Variants in CDIP1 observed in about 807,000 individuals in gnomAD.
CDIP1 encodes the protein cell death-inducing p53-target protein 1.
CDIP1 carries 9 observed loss-of-function variants against 17.7 expected under a neutral mutation model. The observed-to-expected ratio is 0.51, with a 90% CI of 0.31 to 0.89. The LOEUF (loss-of-function observed/expected upper bound fraction) is 0.89, where lower values mean the gene tolerates loss of function less well. Among genes scored for constraint, CDIP1 ranks in the 40% least tolerant of loss-of-function variants. The pLI is 0.05. For missense variants in CDIP1, 263 were observed against 277.9 expected (o/e 0.95, Z 0.38); for synonymous variants, 117 against 109.5 (o/e 1.07, Z -0.43).
chr16:4,513,030 CATGG>C lies in CDIP1; in HGVS notation c.272_275del (p.Pro91ArgfsTer34). The C allele has an allele frequency of 6.3e-7, 1 of 1,595,086 alleles. No homozygotes were observed. Among genetic ancestry groups the C allele is most frequent in the Non-Finnish European group, 8.5e-7 (1 of 1,173,036 alleles). ...TGTAGGGCCCTGGGGGGTAGTAGCC[CATGG>C]GTGGGTGGGGGCCTGGAGGAGGGTA... On this transcript the variant is annotated frameshift_variant, in exon 5 of 6. Coordinates refer to ENST00000567695, the MANE Select transcript of CDIP1 (RefSeq NM_013399.3). LOFTEE classifies it high-confidence loss of function. This position sits in a 1 kb window ranked among gnomAD's most constrained non-coding sequence, Gnocchi z 4.1.
At chr16:4,535,241 C>T (rs947394384) in intron 1 of CDIP1, among the ~76,000 whole-genome samples, 3 of 152,172 alleles carry the variant, frequency 2.0e-5, no homozygotes. Context: ...CAGGAAGACC[C>T]TCAGTGTTTA....
At chr16:4,537,038 G>A (rs1422714307) in intron 1 of CDIP1, among the ~76,000 whole-genome samples, 2 of 152,058 alleles carry the variant, frequency 1.3e-5, no homozygotes, top group African/African-American at 2.4e-5. Flanking sequence ...GGTGAGAGAC[G>A]GATTTCTAAA....
At chr16:4,517,034 T>C (rs2058895546) in intron 1 of CDIP1, among the ~76,000 whole-genome samples, 1 of 152,110 alleles carries the variant, frequency 6.6e-6, no homozygotes, top group Non-Finnish European at 1.5e-5. Flanking sequence ...TATTAAGACA[T>C]TTAGGCAAGG....
intron 1 of CDIP1, among the ~76,000 whole-genome samples, chr16:4,526,897 G>A (rs998793442): frequency 1.3e-5 from 2 of 151,938 alleles, no homozygotes; most frequent in African/African-American, 4.8e-5. Context: ...CAGGCCCCAC[G>A]CCCACCACCC....
At chr16:4,534,248 G>A (rs1210175160) in intron 1 of CDIP1, among the ~76,000 whole-genome samples, 5 of 152,114 alleles carry the variant, frequency 3.3e-5, no homozygotes, top group Non-Finnish European at 7.3e-5. Context: ...ACCGCACCCA[G>A]CCCCTTCTGT....
intron 1 of CDIP1, among the ~76,000 whole-genome samples, chr16:4,531,593 G>A (rs554346278): frequency 4.6e-5 from 7 of 152,312 alleles, no homozygotes; most frequent in East Asian, 3.9e-4. Flanking sequence ...TGGAGATGAC[G>A]GTGGGCGAGC....
chr16:4,513,835 A>G lies in CDIP1; in HGVS notation c.102T>C (p.Ala34=), dbSNP rs200298345. 803 of 1,585,846 alleles carry G rather than the reference A, an allele frequency of 5.1e-4. 2 individuals carry two copies. The highest frequency in any genetic ancestry group is 5.3e-4 in the Non-Finnish European group (621 of 1,166,522). The part of the protein sequence containing the change: ...APPTPGRSSP[A]VMQPPPGMPL... ...GCATGCCTGGAGGGGGCTGCATCAC[A>G]GCTGGGGAGGAACGGCCTGGACAGA... Residue 34 remains alanine, a synonymous_variant, in exon 4 of 6, where the codon GCT becomes GCC. Coordinates refer to ENST00000567695, the MANE Select transcript of CDIP1 (RefSeq NM_013399.3). This position sits in a 1 kb window ranked among gnomAD's most constrained non-coding sequence, Gnocchi z 4.1.
chr16:4,513,729 G>C lies in CDIP1; in HGVS notation c.208C>G (p.His70Asp), dbSNP rs1779005985. The C allele has an allele frequency of 1.9e-6, 3 of 1,613,828 alleles. No individual in the cohort carries two copies. Among genetic ancestry groups the C allele is most frequent in the Non-Finnish European group, 2.5e-6 (3 of 1,179,838 alleles). ...ATGTAGGTGCCATCTGCACTCATGT[G>C]TGGTGGGATGAAGCCAGGCTGGGGC... ...PMPQPGFIPP[H>D]MSADGTYMPP... The change falls in exon 4 of 6, where the codon CAC (histidine) becomes GAC (aspartate). Residue 70 changes from histidine (H) to aspartate (D), a missense_variant. His to Asp is a moderately conservative substitution (Grantham distance 81). Coordinates refer to ENST00000567695, the MANE Select transcript of CDIP1 (RefSeq NM_013399.3). The surrounding 1 kb of genome is among the most constrained non-coding windows in gnomAD (Gnocchi z 4.1).
chr16:4,536,879 T>A (rs995061970), intron 1 of CDIP1: 1 of 151,670 alleles, frequency 6.6e-6, no homozygotes, highest in Non-Finnish European at 1.5e-5. Flanking sequence ...GCAGTGAACG[T>A]CGTGACGGCA....
chr16:4,521,173 A>G (rs1345655417), intron 1 of CDIP1, among the ~76,000 whole-genome samples: 1 of 152,008 alleles, frequency 6.6e-6, no homozygotes, highest in Non-Finnish European at 1.5e-5. Context: ...GCCAGTCTTG[A>G]GTCAGTGCAG....
At chr16:4,524,402 T>G (rs538134547) in intron 1 of CDIP1, 1 of 152,270 alleles carries the variant, frequency 6.6e-6, no homozygotes, top group South Asian at 2.1e-4. Context: ...ATCCACTCTC[T>G]CCCCCATTCT....
chr16:4,521,281 A>AT (rs2058945015), intron 1 of CDIP1, among the ~76,000 whole-genome samples: 1 of 152,160 alleles, frequency 6.6e-6, no homozygotes, highest in Non-Finnish European at 1.5e-5. Flanking sequence ...GTTATTATTA[A>AT]AACAGTTCTG....
chr16:4,534,678 G>A (rs941084854), intron 1 of CDIP1, among the ~76,000 whole-genome samples: 4 of 150,290 alleles, frequency 2.7e-5, no homozygotes, highest in East Asian at 1.9e-4. Flanking sequence ...CTGTGAGGCC[G>A]CTGTTTGCAT....
chr16:4,534,476 G>T (rs1388823107), intron 1 of CDIP1, among the ~76,000 whole-genome samples: 3 of 152,236 alleles, frequency 2.0e-5, no homozygotes, highest in Non-Finnish European at 4.4e-5. Flanking sequence ...CACCCCTGCT[G>T]TTTCAGGGCC....
intron 1 of CDIP1, among the ~76,000 whole-genome samples, chr16:4,529,103 G>C (rs1478983203): frequency 6.6e-6 from 1 of 152,184 alleles, no homozygotes; most frequent in Non-Finnish European, 1.5e-5. Flanking sequence ...CAGAGGCCTG[G>C]ACTGGTTAGT....
At chr16:4,536,931 C>G (rs1340226631) in intron 1 of CDIP1, among the ~76,000 whole-genome samples, 1 of 152,120 alleles carries the variant, frequency 6.6e-6, no homozygotes, top group Non-Finnish European at 1.5e-5. Flanking sequence ...GACCCTGGCT[C>G]TAAATAAATA....
intron 1 of CDIP1, among the ~76,000 whole-genome samples, chr16:4,516,432 T>TA (rs1157143681): frequency 2.6e-5 from 4 of 151,974 alleles, no homozygotes; most frequent in Admixed American, 6.6e-5. Context: ...AACTTATTTT[T>TA]AAAAAAAATG....
At chr16:4,538,070 C>T (rs1466854593) in intron 1 of CDIP1, among the ~76,000 whole-genome samples, 2 of 152,270 alleles carry the variant, frequency 1.3e-5, no homozygotes, top group East Asian at 1.9e-4. Flanking sequence ...GAGAAAACAA[C>T]TCCCACCCCT....
At position 4,520,100 on chromosome 16, in the gene CDIP1, G is replaced by C. The variant is rs145939663; in HGVS notation, c.-104-5436C>G. Among the ~76,000 whole-genome samples the C allele has an allele frequency of 7.3e-5, 11 of 151,024 alleles. No homozygotes were observed. In the East Asian group the frequency reaches 2.1e-3, roughly 29 times the overall value. ...GCACAATGGACTAATACTACATCAA[G>C]ACTTGACAAGTGGTAGGTTTTTTTT... On this transcript the variant is annotated intron_variant, in intron 1 of 5. Coordinates refer to ENST00000567695, the MANE Select transcript of CDIP1 (RefSeq NM_013399.3).
Sources: gnomAD v4.1 joint callset for allele counts (sites outside exome capture counted in the v4.1 genomes callset) on GRCh38, gnomAD v4.1.1 for gene constraint, Gnocchi (gnomAD v3.1) non-coding constraint, MANE v1.5 for transcripts, NCBI Gene and HGNC (gene_info 2026-07-23, HGNC 2026-07-21) for gene names.